PSG3: variants seen among roughly 807,000 people sequenced by gnomAD.
The protein encoded by PSG3 is pregnancy specific beta-1-glycoprotein 3.
In PSG3, 61 loss-of-function variants were observed where a neutral mutation model predicts 47.5. The ratio of observed to expected loss-of-function variants is 1.28; its 90% CI spans 1.05 to 1.59. The LOEUF (loss-of-function observed/expected upper bound fraction) is 1.59, where lower values mean the gene tolerates loss of function less well. Ranked by LOEUF, PSG3 falls within the 40% of genes most tolerant of loss-of-function variation. The pLI is 0.00. For missense variants in PSG3, 756 were observed against 524.0 expected, an observed-to-expected ratio of 1.44 and a Z score of -4.32; for synonymous variants, 263 against 198.4, an observed-to-expected ratio of 1.33 and a Z score of -2.74.
intron 3 of PSG3, among the ~76,000 whole-genome samples, chr19:42,730,676 C>T (rs1969458829): frequency 6.6e-6 from 1 of 152,148 alleles, no homozygotes; most frequent in Admixed American, 6.5e-5. Context: ...TTCATGATGA[C>T]TTACTTGAAC....
intron 2 of PSG3, among the ~76,000 whole-genome samples, chr19:42,736,568 G>A (rs1969566104): frequency 1.3e-5 from 2 of 151,658 alleles, no homozygotes; most frequent in Admixed American, 6.6e-5. Context: ...CAGACTTGGA[G>A]TCATTAAAAT....
intron 3 of PSG3, among the ~76,000 whole-genome samples, chr19:42,731,048 T>C (rs1432746336): frequency 2.0e-5 from 3 of 152,178 alleles, no homozygotes; most frequent in East Asian, 1.9e-4. Context: ...AGGGACCTCA[T>C]GTAAGTGGAT....
At position 42,729,279 on chromosome 19, in the gene PSG3, CT is replaced by C; in HGVS notation, c.1086del (p.Glu363AsnfsTer47). On this transcript the variant is annotated frameshift_variant, in exon 5 of 7. Coordinates refer to ENST00000327495, the MANE Select transcript of PSG3 (RefSeq NM_021016.4). LOFTEE classifies it high-confidence loss of function. ...TTCCCATTAATTGTCCAAGAATATT[CT>C]GCTGGTGGGTTAGAGTCCGCGAAGC... ...LSCFADSNPPAEYSWTINGKF... is the reference protein window; with the variant it reads ...LSCFADSNPPXEYSWTINGKF... The C allele has an allele frequency of 6.2e-7, 1 of 1,614,106 alleles. No individual in the cohort carries two copies. The highest frequency in any genetic ancestry group is 8.5e-7 in the Non-Finnish European group (1 of 1,179,970).
chr19:42,736,716 A>C (rs1969570263), intron 2 of PSG3, among the ~76,000 whole-genome samples: 1 of 150,332 alleles, frequency 6.7e-6, no homozygotes, highest in Admixed American at 6.7e-5. Flanking sequence ...GAAACTGCCT[A>C]TCCCTGTCCC....
chr19:42,733,928 C>T (rs1221589403), intron 2 of PSG3: 7 of 152,106 alleles, frequency 4.6e-5, no homozygotes, highest in African/African-American at 7.2e-5. Context: ...GGAAGTCTGG[C>T]CCTCATGGAC....
chr19:42,726,158 C>A (rs1386688096), intron 5 of PSG3, among the ~76,000 whole-genome samples: 1 of 152,000 alleles, frequency 6.6e-6, no homozygotes, highest in Admixed American at 6.5e-5. Context: ...AACGTAAAGG[C>A]AATATGTGAA....
chr19:42,730,644 T>C (rs1402964205), intron 3 of PSG3, among the ~76,000 whole-genome samples: 2 of 152,060 alleles, frequency 1.3e-5, no homozygotes, highest in African/African-American at 4.8e-5. Flanking sequence ...AGGCTCAAGG[T>C]GGGGCAGTTT....
chr19:42,731,140 T>C (rs1194374650), intron 3 of PSG3, among the ~76,000 whole-genome samples: 2 of 152,148 alleles, frequency 1.3e-5, no homozygotes, highest in Non-Finnish European at 2.9e-5. Context: ...GGGTGGGCAG[T>C]TTCAGTTATT....
intron 2 of PSG3, among the ~76,000 whole-genome samples, chr19:42,734,503 A>G (rs1197224469): frequency 1.3e-5 from 2 of 152,222 alleles, no homozygotes. Flanking sequence ...TGACTCTAGT[A>G]ACAACAACAG....
At chr19:42,724,842 T>C (rs1209286294) in intron 5 of PSG3, among the ~76,000 whole-genome samples, 1 of 152,016 alleles carries the variant, frequency 6.6e-6, no homozygotes, top group African/African-American at 2.4e-5. Context: ...TCAGTAACCA[T>C]GTCCTAGTGT....
At chr19:42,737,694 C>T (rs1471649528) in intron 2 of PSG3, among the ~76,000 whole-genome samples, 2 of 152,146 alleles carry the variant, frequency 1.3e-5, no homozygotes, top group South Asian at 2.1e-4. Flanking sequence ...ACCCAGTAAG[C>T]CCTCACTTCT....
At chr19:42,732,701 C>A (rs1253282387) in intron 3 of PSG3, 83 bp downstream of exon 3, 10 of 1,613,878 alleles carry the variant, frequency 6.2e-6, no homozygotes, top group South Asian at 2.2e-5. Context: ...GTACTTGGAC[C>A]TGAGAGGGAC....
intron 6 of PSG3, among the ~76,000 whole-genome samples, chr19:42,722,787 G>A (rs1400036507): frequency 6.6e-6 from 1 of 152,130 alleles, no homozygotes; most frequent in African/African-American, 2.4e-5. Context: ...GGTAATTCCA[G>A]TACTTCCAGC....
chr19:42,722,968 G>A (rs979183263), intron 6 of PSG3, among the ~76,000 whole-genome samples: 2 of 152,104 alleles, frequency 1.3e-5, no homozygotes, highest in Non-Finnish European at 2.9e-5. Context: ...TTTTAAAAAT[G>A]TTTTCCAGTG....
chr19:42,731,340 C>A (rs922052069), intron 3 of PSG3, among the ~76,000 whole-genome samples: 1 of 152,324 alleles, frequency 6.6e-6, no homozygotes. Flanking sequence ...ATCTAAAATG[C>A]TTCAGTGAGC....
rs1969496683 is a variant in PSG3 at position 42,732,873 on chromosome 19, A to G, written c.620T>C (p.Val207Ala). 1 of 1,613,994 alleles carries G rather than the reference A, an allele frequency of 6.2e-7. No homozygotes were observed. The highest frequency in any genetic ancestry group is 1.1e-5 in the South Asian group (1 of 91,082). Residue 207 changes from valine to alanine, a missense_variant, in exon 3 of 7, where the codon GTC (valine) becomes GCC (alanine). Physicochemically the swap from Val to Ala is moderately conservative, Grantham distance 64. Coordinates refer to ENST00000327495, the MANE Select transcript of PSG3 (RefSeq NM_021016.4). ...KNKRTLFLFG[V>A]TKYTAGPYEC... ...ATAGGGTCCTGCAGTGTACTTTGTG[A>G]CACCAAATAGAAAGAGGGTCCTTTT...
At chr19:42,722,516 AG>A (rs1969315192) in intron 6 of PSG3, among the ~76,000 whole-genome samples, 1 of 152,232 alleles carries the variant, frequency 6.6e-6, no homozygotes, top group Non-Finnish European at 1.5e-5. Flanking sequence ...GGCCTCCCAA[AG>A]TGCTGGGATG....
At chr19:42,739,920 C>A (rs370359829) in intron 1 of PSG3, among the ~76,000 whole-genome samples, 12 of 151,998 alleles carry the variant, frequency 7.9e-5, no homozygotes, top group Admixed American at 7.9e-4. Context: ...CAGGCTCCAA[C>A]AGAGACTTCT....
chr19:42,738,005 C>G (rs1246228384), intron 2 of PSG3, among the ~76,000 whole-genome samples: 1 of 152,242 alleles, frequency 6.6e-6, no homozygotes, highest in Non-Finnish European at 1.5e-5. Flanking sequence ...GGACAAGCTG[C>G]TACCTGGTAT....
Sources: gnomAD v4.1 joint callset for allele counts (sites outside exome capture counted in the v4.1 genomes callset) on GRCh38, gnomAD v4.1.1 for gene constraint, MANE v1.5 for transcripts, NCBI Gene and HGNC (gene_info 2026-07-23, HGNC 2026-07-21) for gene names.